SPIDR: variants seen among roughly 807,000 people sequenced by gnomAD.
SPIDR encodes the protein scaffold protein involved in DNA repair.
SPIDR carries 93 observed loss-of-function variants against 104.6 expected under a neutral mutation model. That is an observed-to-expected ratio of 0.89 (90% CI 0.75 to 1.06). SPIDR has a LOEUF of 1.06. Among genes scored for constraint, SPIDR ranks in the 50% least tolerant of loss-of-function variants. The pLI is 0.00. For missense variants in SPIDR, 1,154 were observed against 1,111.2 expected (o/e 1.04, Z -0.55); for synonymous variants, 431 against 416.9 (o/e 1.03, Z -0.41).
intron 14 of SPIDR, among the ~76,000 whole-genome samples, chr8:47,703,324 A>G (rs1008720116): frequency 1.3e-5 from 2 of 152,254 alleles, no homozygotes; most frequent in Non-Finnish European, 2.9e-5. Context: ...GAGAGTGACT[A>G]AAAGAATATG....
At chr8:47,418,114 T>C (rs2064706386) in intron 7 of SPIDR, among the ~76,000 whole-genome samples, 2 of 152,342 alleles carry the variant, frequency 1.3e-5, no homozygotes, top group South Asian at 2.1e-4. Flanking sequence ...CGGGCTCTTT[T>C]TGGTTCCATA....
intron 10 of SPIDR, among the ~76,000 whole-genome samples, chr8:47,603,261 G>A (rs919661168): frequency 1.3e-5 from 2 of 152,046 alleles, no homozygotes; most frequent in African/African-American, 4.8e-5. Context: ...CTGTGTCCTG[G>A]TGGTGCAGGT....
At chr8:47,536,716 AC>A (rs1476629719) in intron 8 of SPIDR, among the ~76,000 whole-genome samples, 3 of 152,206 alleles carry the variant, frequency 2.0e-5, no homozygotes, top group Non-Finnish European at 2.9e-5. Flanking sequence ...GACCAAAGGC[AC>A]TATCTGTGAG....
intron 6 of SPIDR, among the ~76,000 whole-genome samples, chr8:47,399,001 G>A (rs1348803966): frequency 1.3e-5 from 2 of 152,208 alleles, no homozygotes; most frequent in East Asian, 3.9e-4. Context: ...AGACTGCCAT[G>A]GACTCGAGAG....
intron 10 of SPIDR, among the ~76,000 whole-genome samples, chr8:47,643,828 C>T (rs775208261): frequency 6.6e-6 from 1 of 152,082 alleles, no homozygotes; most frequent in African/African-American, 2.4e-5. Context: ...TCATTCCTGC[C>T]CTCATGAAAT....
intron 5 of SPIDR, among the ~76,000 whole-genome samples, chr8:47,357,340 A>T (rs1554626400): frequency 6.6e-6 from 1 of 152,182 alleles, no homozygotes; most frequent in Non-Finnish European, 1.5e-5. Context: ...CACCCACGCC[A>T]TAACTACCTG....
At chr8:47,729,878 C>G (rs916101709) in intron 19 of SPIDR, among the ~76,000 whole-genome samples, 1 of 152,178 alleles carries the variant, frequency 6.6e-6, no homozygotes, top group African/African-American at 2.4e-5. Flanking sequence ...GCCACCACTC[C>G]CAGCTAATTT....
intron 8 of SPIDR, among the ~76,000 whole-genome samples, chr8:47,491,350 TTATTTA>T (rs2078675749): frequency 6.6e-6 from 1 of 152,058 alleles, no homozygotes; most frequent in African/African-American, 2.4e-5. Context: ...AAAATTCTGT[TTATTTA>T]AAAGAAAAAA....
intron 14 of SPIDR, among the ~76,000 whole-genome samples, chr8:47,711,486 G>C (rs1249545997): frequency 6.6e-6 from 1 of 152,060 alleles, no homozygotes; most frequent in Non-Finnish European, 1.5e-5. Flanking sequence ...CTCCCAAGTA[G>C]TTGAGACTGC....
chr8:47,664,743 C>CAAAAAA (rs771963348), intron 10 of SPIDR, among the ~76,000 whole-genome samples: 9 of 63,490 alleles, frequency 1.4e-4, no homozygotes, highest in South Asian at 6.7e-4. Context: ...CCCATCTCTA[C>CAAAAAA]AAAAAAAAAA....
intron 10 of SPIDR, among the ~76,000 whole-genome samples, chr8:47,637,121 C>T (rs2068049522): frequency 6.6e-6 from 1 of 152,158 alleles, no homozygotes; most frequent in Non-Finnish European, 1.5e-5. Context: ...TTAGTGTTTA[C>T]CTAGTGTTAC....
intron 8 of SPIDR, among the ~76,000 whole-genome samples, chr8:47,475,652 A>G (rs2076199254): frequency 1.3e-5 from 2 of 152,238 alleles, no homozygotes; most frequent in East Asian, 1.9e-4. Flanking sequence ...AAAAGGCTAC[A>G]TGTTTCTTGC....
Position 47,728,914 on chromosome 8 carries a change from T to C in SPIDR, c.2436-19T>C. 1 of 1,593,710 alleles carries C rather than the reference T, an allele frequency of 6.3e-7. No individual in the cohort carries two copies. Among genetic ancestry groups the C allele is most frequent in the Non-Finnish European group, 8.5e-7 (1 of 1,171,968 alleles). ...GTGCCTCCCGGGGCCTTGTCTTTCC[T>C]TGGCTTTTCATATACCAGAGGCGCC... On this transcript the variant is annotated intron_variant, in intron 17 of 19. Coordinates refer to ENST00000297423, the MANE Select transcript of SPIDR (RefSeq NM_001080394.4).
chr8:47,418,891 A>G (rs10957320), intron 7 of SPIDR, among the ~76,000 whole-genome samples: 150,603 of 152,332 alleles, frequency 0.99, 74,469 homozygotes, highest in East Asian at 1. Flanking sequence ...GGTTTTTGTC[A>G]TTGGTTTTGT....
chr8:47,470,796 G>A (rs75081548), intron 8 of SPIDR, among the ~76,000 whole-genome samples: 17 of 151,466 alleles, frequency 1.1e-4, no homozygotes, highest in African/African-American at 2.7e-4. Flanking sequence ...GTGCAGTGGC[G>A]TGATCTCGGC....
chr8:47,653,647 T>A (rs542422974), intron 10 of SPIDR, among the ~76,000 whole-genome samples: 27 of 152,290 alleles, frequency 1.8e-4, no homozygotes, highest in African/African-American at 6.3e-4. Context: ...ATGTCCCTTT[T>A]CCCCAGGAGG....
chr8:47,704,949 G>A (rs2080860962), intron 14 of SPIDR, among the ~76,000 whole-genome samples: 2 of 152,200 alleles, frequency 1.3e-5, no homozygotes, highest in African/African-American at 4.8e-5. Flanking sequence ...TGTGTGTAGG[G>A]ATGCCCCTGG....
At chr8:47,297,773 C>A (rs1301623479) in intron 5 of SPIDR, among the ~76,000 whole-genome samples, 2 of 152,148 alleles carry the variant, frequency 1.3e-5, no homozygotes, top group African/African-American at 2.4e-5. Context: ...CATGTCCCTA[C>A]AAAGGACATG....
intron 5 of SPIDR, among the ~76,000 whole-genome samples, chr8:47,347,232 T>G (rs1270615147): frequency 6.6e-6 from 1 of 152,220 alleles, no homozygotes. Flanking sequence ...AGCAGGTTGT[T>G]CAGTTTCCAT....
Sources: allele counts gnomAD v4.1 joint callset (sites outside exome capture counted in the v4.1 genomes callset), GRCh38; gene constraint gnomAD v4.1.1; transcripts MANE v1.5; gene names NCBI Gene and HGNC (gene_info 2026-07-23, HGNC 2026-07-21).